URB2: variants seen among roughly 807,000 people sequenced by gnomAD.
The protein encoded by URB2 is unhealthy ribosome biogenesis protein 2 homolog.
In URB2, 86 loss-of-function variants were observed where a neutral mutation model predicts 120.9. That is an observed-to-expected ratio of 0.71 (90% CI 0.60 to 0.85). The LOEUF is 0.85. Ranked by LOEUF, URB2 falls within the 40% of genes least tolerant of loss-of-function variation. URB2 has a pLI of 0.00. For synonymous variants in URB2, 755 were observed against 758.4 expected (o/e 1.00, Z 0.07); for missense variants, 1,765 against 1,836.5 (o/e 0.96, Z 0.71).
At chr1:229,634,770 G>A (rs534575521) in intron 3 of URB2, 147 bp from the exon 4 acceptor site, 170 of 683,534 alleles carry the variant, frequency 2.5e-4, no homozygotes, top group Non-Finnish European at 3.4e-4. Flanking sequence ...CTTATGTCAG[G>A]TTCATTGAAA....
At chr1:229,643,842 G>T in intron 5 of URB2, 149 bp downstream of exon 5, 1 of 1,124,762 alleles carries the variant, frequency 8.9e-7, no homozygotes, top group Non-Finnish European at 1.2e-6. Context: ...GTGAGAGGGA[G>T]CCCTGGCCTG....
At chr1:229,654,141 A>G in intron 8 of URB2, 108 bp from the exon 9 acceptor site, 1 of 1,500,960 alleles carries the variant, frequency 6.7e-7, no homozygotes, top group Non-Finnish European at 9.1e-7. Context: ...GTCTGGGAAA[A>G]CATGTAACAC....
chr1:229,627,832 C>A, intron 2 of URB2, 73 bp downstream of exon 2: 5 of 1,465,866 alleles, frequency 3.4e-6, no homozygotes, highest in Non-Finnish European at 4.5e-6. Context: ...TGGATATTGA[C>A]AATTGGTTAA....
intron 2 of URB2, among the ~76,000 whole-genome samples, chr1:229,630,331 T>A (rs1235682163): frequency 6.6e-6 from 1 of 152,240 alleles, no homozygotes; most frequent in Non-Finnish European, 1.5e-5. Context: ...GCAGAATGGA[T>A]GTTGTGTTAG....
At position 229,637,962 on chromosome 1, in the gene URB2, A is replaced by T. The variant is rs1408699644; in HGVS notation, c.3349A>T (p.Ile1117Phe). 5 of 1,613,508 alleles carry T rather than the reference A, an allele frequency of 3.1e-6. No homozygotes were observed. The highest frequency in any genetic ancestry group is 4.2e-6 in the Non-Finnish European group (5 of 1,179,844). Residue 1117 changes from isoleucine (I) to phenylalanine (F), a missense_variant, in exon 4 of 10, where the codon ATC (isoleucine) becomes TTC (phenylalanine). Physicochemically the swap from Ile to Phe is conservative, Grantham distance 21 (BLOSUM62 0). Transcript: ENST00000258243. Reference sequence around the variant, plus strand: ...GGGCTGGCGCCTTCCCTCGGTCCTCATCTCATCCGTCAGCACGCTCTTGGA... The same window carrying T: ...GGGCTGGCGCCTTCCCTCGGTCCTCTTCTCATCCGTCAGCACGCTCTTGGA... ...ARGWRLPSVL[I>F]SSVSTLLEAD...
rs144123664 is a variant in URB2 at position 229,654,365 on chromosome 1, C to G, written c.4354C>G (p.Gln1452Glu). Residue 1452 changes from glutamine (Q) to glutamate (E), a missense_variant, in exon 9 of 10, where the codon CAG becomes GAG. By Grantham distance (29) the Gln-to-Glu change is conservative. Transcript: ENST00000258243. ...FAVFSPFMVAQYVLEVQKVTL... is the reference protein window; with the variant it reads ...FAVFSPFMVAEYVLEVQKVTL... The stretch of plus-strand genomic sequence containing the variant: ...TGTGTTTTCCCCATTTATGGTGGCC[C>G]AGTACGTGTTGGAGGTACAGAAGGT... 2.3e-5 allele frequency: 37 copies of G among 1,614,034 alleles called. No individual in the cohort carries two copies. Among genetic ancestry groups the G allele is most frequent in the Non-Finnish European group, 3.1e-5 (37 of 1,180,032 alleles).
At chr1:229,654,640 G>A (rs1558173233) in intron 9 of URB2, among the ~76,000 whole-genome samples, 1 of 152,146 alleles carries the variant, frequency 6.6e-6, no homozygotes, top group Non-Finnish European at 1.5e-5. Flanking sequence ...CTACAGGCAT[G>A]TACTACTCCA....
chr1:229,632,319 G>A lies in URB2; in HGVS notation c.177G>A (p.Lys59=). Residue 59 remains lysine (K), a synonymous_variant, in exon 3 of 10, where the codon AAG becomes AAA. Transcript: ENST00000258243. ...RQSLVAFYKK[K]LELKEDIVER... ...CATTGGTTGCATTTTATAAGAAAAA[G>A]CTTGAACTGAAGGAAGATATTGTTG... The A allele has an allele frequency of 2.5e-6, 4 of 1,591,304 alleles. No individual in the cohort carries two copies. Among genetic ancestry groups the A allele is most frequent in the Non-Finnish European group, 1.7e-6 (2 of 1,172,854 alleles).
In URB2 at chr1:229,635,598, C is replaced by T. The variant is rs1320797622; in HGVS notation, c.985C>T (p.Pro329Ser). Residue 329 changes from proline to serine, a missense_variant, in exon 4 of 10, where the codon CCC becomes TCC. By Grantham distance (74) the Pro-to-Ser change is moderately conservative. Transcript: ENST00000258243. ...GNQLLCFQVL[P>S]RLFGCLKISH... ...CCAGCTTCTCTGCTTCCAGGTTCTC[C>T]CCAGGTTGTTTGGCTGCTTGAAGAT... The T allele has an allele frequency of 1.2e-6, 2 of 1,614,078 alleles. No homozygotes were observed. The highest frequency in any genetic ancestry group is 1.7e-6 in the Non-Finnish European group (2 of 1,180,038).
In URB2 at chr1:229,635,194, T is replaced by C; in HGVS notation, c.581T>C (p.Phe194Ser). The change falls in exon 4 of 10, where the codon TTT becomes TCT. Residue 194 changes from phenylalanine (F) to serine (S), a missense_variant. Transcript: ENST00000258243. ...LQQQVNPRRA[F>S]GDVTAHLLQP... is the part of the protein sequence containing the mutation. ...CAGCAGGTCAACCCAAGACGTGCCT[T>C]TGGGGATGTGACTGCTCACCTGCTC... is the stretch of plus-strand genomic sequence containing the variant. 1 of 1,614,212 alleles carries C rather than the reference T, an allele frequency of 6.2e-7. No individual in the cohort carries two copies. The highest frequency in any genetic ancestry group is 8.5e-7 in the Non-Finnish European group (1 of 1,180,038).
rs749934225 is a variant in URB2, at chr1:229,635,417, G to T, written c.804G>T (p.Thr268=). 1 of 1,613,994 alleles carries T rather than the reference G, an allele frequency of 6.2e-7. No homozygotes were observed. Among genetic ancestry groups the T allele is most frequent in the Non-Finnish European group, 8.5e-7 (1 of 1,179,966 alleles). Residue 268 remains threonine (T), a synonymous_variant, in exon 4 of 10, where the codon ACG becomes ACT. Transcript: ENST00000258243. ...ACCAGCAGCAAGGGGATGTGAAGAC[G>T]GGAGCCATGAAGAACCTTCTGGCTC... ...LLDQQQGDVK[T]GAMKNLLAPM... is the part of the protein sequence containing the mutation.
chr1:229,627,921 C>T (rs1665553021), intron 2 of URB2, among the ~76,000 whole-genome samples, 162 bp downstream of exon 2: 2 of 151,118 alleles, frequency 1.3e-5, no homozygotes, highest in Admixed American at 1.3e-4. Context: ...AGTAATGAGT[C>T]AGGTACTTCA....
At chr1:229,653,598 T>A (rs1666332765) in intron 8 of URB2, among the ~76,000 whole-genome samples, 1 of 152,158 alleles carries the variant, frequency 6.6e-6, no homozygotes, top group African/African-American at 2.4e-5. Flanking sequence ...CCCCATGAGC[T>A]GTAACTCAAG....
At chr1:229,630,335 G>T (rs1209283370) in intron 2 of URB2, among the ~76,000 whole-genome samples, 8 of 152,210 alleles carry the variant, frequency 5.3e-5, no homozygotes, top group Admixed American at 1.3e-4. Flanking sequence ...AATGGATGTT[G>T]TGTTAGCAGT....
rs758196309 is a variant in URB2, at chr1:229,632,419, A to G, written c.277A>G (p.Ile93Val). The G allele has an allele frequency of 1.4e-5, 22 of 1,568,274 alleles. No individual in the cohort carries two copies. Among genetic ancestry groups the G allele is most frequent in the Admixed American group, 1.0e-4 (5 of 48,574 alleles). Residue 93 changes from isoleucine (I) to valine (V), a missense_variant, in exon 3 of 10, where the codon ATT (isoleucine) becomes GTT (valine). Physicochemically the swap from Ile to Val is conservative, Grantham distance 29. Coordinates refer to ENST00000258243, the MANE Select transcript of URB2 (RefSeq NM_014777.4). ...LQNLLKNGKTINLQISLVKII... is the reference protein window; with the variant it reads ...LQNLLKNGKTVNLQISLVKII... Reference sequence around the variant, plus strand: ...GAATCTCCTCAAGAATGGAAAGACCATTAATCTTCAGATTTCCCTAGTCAA... The same window carrying G: ...GAATCTCCTCAAGAATGGAAAGACCGTTAATCTTCAGATTTCCCTAGTCAA...
At chr1:229,648,313 C>G (rs937240280) in intron 7 of URB2, among the ~76,000 whole-genome samples, 4 of 152,180 alleles carry the variant, frequency 2.6e-5, no homozygotes, top group African/African-American at 9.7e-5. Flanking sequence ...TGAAACACTT[C>G]TGGTCCCAAA....
chr1:229,652,552 A>G (rs1045235358), intron 8 of URB2, among the ~76,000 whole-genome samples: 1 of 152,244 alleles, frequency 6.6e-6, no homozygotes, highest in Non-Finnish European at 1.5e-5. Flanking sequence ...GCACAGTTAG[A>G]TATTTCGCTT....
Position 229,647,510 on chromosome 1 carries a change from C to A in URB2, c.3907C>A (p.Leu1303Ile). The change falls in exon 7 of 10, where the codon CTC becomes ATC. Residue 1303 changes from leucine to isoleucine, a missense_variant and splice_region_variant. Transcript: ENST00000258243. ...TCCTTTATTTTATTTTGCCCTTTAGCTCTTAAACCGAGAAGCTTCTCAGGA... is the reference window on the plus strand; with the variant it reads ...TCCTTTATTTTATTTTGCCCTTTAGATCTTAAACCGAGAAGCTTCTCAGGA... ...ACPQIVTALTLLNREASQEQP... is the reference protein window; with the variant it reads ...ACPQIVTALTILNREASQEQP... The A allele has an allele frequency of 6.2e-7, 1 of 1,612,854 alleles. No individual in the cohort carries two copies. Among genetic ancestry groups the A allele is most frequent in the South Asian group, 1.1e-5 (1 of 91,004 alleles).
chr1:229,659,113 C>G lies in URB2; in HGVS notation c.4391C>G (p.Pro1464Arg), dbSNP rs1437867418. 1 of 1,611,874 alleles carries G rather than the reference C, an allele frequency of 6.2e-7. No individual in the cohort carries two copies. Among genetic ancestry groups the G allele is most frequent in the South Asian group, 1.1e-5 (1 of 90,982 alleles). ...VLEVQKVTLYPAVKSLLQEGI... is the reference protein window; with the variant it reads ...VLEVQKVTLYRAVKSLLQEGI... ...CTTTTTCCTCAGGTGACCTTATATC[C>G]AGCTGTGAAAAGTCTGCTGCAGGAG... Residue 1464 changes from proline to arginine, a missense_variant, in exon 10 of 10, where the codon CCA becomes CGA. Pro to Arg is a moderately radical substitution (Grantham distance 103). Coordinates refer to ENST00000258243, the MANE Select transcript of URB2 (RefSeq NM_014777.4).
Sources: gnomAD v4.1 joint callset for allele counts (sites outside exome capture counted in the v4.1 genomes callset) on GRCh38, gnomAD v4.1.1 for gene constraint, MANE v1.5 for transcripts, NCBI Gene and HGNC (gene_info 2026-07-23, HGNC 2026-07-21) for gene names.